The following CRACR2A variants were observed in gnomAD, a reference collection of about 807,000 sequenced individuals.
CRACR2A encodes the protein EF-hand calcium-binding domain-containing protein 4B.
In CRACR2A, 79 loss-of-function variants were observed where a neutral mutation model predicts 90.5. The observed-to-expected ratio is 0.87, with a 90% confidence interval of 0.73 to 1.05. The LOEUF (loss-of-function observed/expected upper bound fraction) is 1.05, where lower values mean the gene tolerates loss of function less well. Among genes scored for constraint, CRACR2A ranks in the 50% least tolerant of loss-of-function variants. The pLI is 0.00. For synonymous variants in CRACR2A, 338 were observed against 356.7 expected (o/e 0.95, Z 0.59); for missense variants, 823 against 897.2 (o/e 0.92, Z 1.06).
intron 4 of CRACR2A, among the ~76,000 whole-genome samples, chr12:3,692,879 A>G (rs1468313282): frequency 1.3e-5 from 2 of 152,130 alleles, no homozygotes; most frequent in African/African-American, 4.8e-5. Flanking sequence ...CACCACAGTC[A>G]TGGGTGATCA....
intron 4 of CRACR2A, among the ~76,000 whole-genome samples, chr12:3,690,085 T>C (rs1293043508): frequency 6.6e-6 from 1 of 151,180 alleles, no homozygotes; most frequent in African/African-American, 2.4e-5. Flanking sequence ...TTTTATTAAC[T>C]TTTTTTTTCA....
chr12:3,737,532 T>C (rs1049898941), intron 1 of CRACR2A, among the ~76,000 whole-genome samples: 9 of 152,088 alleles, frequency 5.9e-5, no homozygotes, highest in Non-Finnish European at 1.2e-4. Context: ...AGGAGGGATA[T>C]GGAGTGGATA....
chr12:3,719,480 C>G (rs1190316669), intron 2 of CRACR2A, among the ~76,000 whole-genome samples: 1 of 152,194 alleles, frequency 6.6e-6, no homozygotes, highest in Non-Finnish European at 1.5e-5. Context: ...CCCCTCCTTT[C>G]ATGCTCCAAA....
At chr12:3,656,511 AT>A in intron 8 of CRACR2A, 105 bp from the exon 9 acceptor site, 1 of 966,576 alleles carries the variant, frequency 1.0e-6, no homozygotes, top group Non-Finnish European at 1.6e-6. Flanking sequence ...GGCCCATCCT[AT>A]TAGACCATGG....
Position 3,673,496 on chromosome 12 carries a change from C to A in CRACR2A, c.621G>T (p.Gln207His), listed in dbSNP as rs1264145134. 1 of 1,614,066 alleles carries A rather than the reference C, an allele frequency of 6.2e-7. No individual in the cohort carries two copies. The highest frequency in any genetic ancestry group is 8.5e-7 in the Non-Finnish European group (1 of 1,180,042). ...FEDFLTRIISQLQEAHEEKNE... is the reference protein window; with the variant it reads ...FEDFLTRIISHLQEAHEEKNE... ...TCTTCTCCTCATGGGCTTCTTGGAG[C>A]TGGGAGATGATTCTGGTCAGGAAGT... Residue 207 changes from glutamine (Q) to histidine (H), a missense_variant, in exon 7 of 20, where the codon CAG (glutamine) becomes CAT (histidine). Physicochemically the swap from Gln to His is conservative, Grantham distance 24. Transcript: ENST00000440314.
At chr12:3,636,598 C>T (rs1487303031) in intron 14 of CRACR2A, among the ~76,000 whole-genome samples, 3 of 152,256 alleles carry the variant, frequency 2.0e-5, no homozygotes, top group Non-Finnish European at 4.4e-5. Flanking sequence ...AAGCCTTTTT[C>T]TTCAACCCCA....
chr12:3,631,756 C>T (rs1591640483), intron 15 of CRACR2A, among the ~76,000 whole-genome samples: 1 of 152,302 alleles, frequency 6.6e-6, no homozygotes, highest in Non-Finnish European at 1.5e-5. Context: ...AAGGATGGGA[C>T]ACCTGAAGCA....
At chr12:3,676,151 G>A (rs1945332322) in intron 6 of CRACR2A, among the ~76,000 whole-genome samples, 1 of 152,044 alleles carries the variant, frequency 6.6e-6, no homozygotes, top group Admixed American at 6.5e-5. Flanking sequence ...AACTCAACAA[G>A]TATTTATTAT....
chr12:3,685,883 T>C (rs993549065), intron 4 of CRACR2A, among the ~76,000 whole-genome samples: 3 of 152,252 alleles, frequency 2.0e-5, no homozygotes, highest in Non-Finnish European at 4.4e-5. Flanking sequence ...CAATGGTAAA[T>C]TGTGTGTTAT....
chr12:3,741,465 C>G (rs1034733465), intron 1 of CRACR2A, among the ~76,000 whole-genome samples: 1 of 152,224 alleles, frequency 6.6e-6, no homozygotes, highest in Non-Finnish European at 1.5e-5. Context: ...CTTTGCTGCA[C>G]AAAAATAAGC....
At chr12:3,619,075 A>C (rs1202106173) in intron 18 of CRACR2A, among the ~76,000 whole-genome samples, 196 bp downstream of exon 18, 1 of 152,198 alleles carries the variant, frequency 6.6e-6, no homozygotes, top group Non-Finnish European at 1.5e-5. Context: ...TCCATCTTGC[A>C]ACCTGTGGCT....
At position 3,641,757 on chromosome 12, in the gene CRACR2A, C is replaced by A. The variant is rs1341798455; in HGVS notation, c.1246G>T (p.Val416Leu). The change falls in exon 13 of 20, where the codon GTG becomes TTG. Residue 416 changes from valine to leucine, a missense_variant. Physicochemically the swap from Val to Leu is conservative, Grantham distance 32 (BLOSUM62 1). Coordinates refer to ENST00000440314, the MANE Select transcript of CRACR2A (RefSeq NM_001144958.2). The part of the protein sequence containing the change: ...KRSGSVIGKY[V>L]DSRGILRSQS... ...CTCCTAAGAATCCCTCTGCTGTCCACATATTTGCCTATCACAGAGCCAGAT... is the reference window on the plus strand; with the variant it reads ...CTCCTAAGAATCCCTCTGCTGTCCAAATATTTGCCTATCACAGAGCCAGAT... 7.7e-6 allele frequency: 12 copies of A among 1,551,710 alleles called. No homozygotes were observed. Among genetic ancestry groups the A allele is most frequent in the Non-Finnish European group, 1.0e-5 (12 of 1,146,972 alleles).
intron 14 of CRACR2A, among the ~76,000 whole-genome samples, chr12:3,636,456 A>C (rs1218731111): frequency 6.6e-6 from 1 of 152,188 alleles, no homozygotes; most frequent in African/African-American, 2.4e-5. Flanking sequence ...ACTCCCCATC[A>C]CTGTGGGGCT....
intron 4 of CRACR2A, among the ~76,000 whole-genome samples, chr12:3,694,621 G>A (rs1945706888): frequency 6.6e-6 from 1 of 152,112 alleles, no homozygotes; most frequent in African/African-American, 2.4e-5. Context: ...CGGGGGGCAT[G>A]GGGACTTTCT....
At chr12:3,717,477 C>T (rs11062772) in intron 2 of CRACR2A, among the ~76,000 whole-genome samples, 3 of 152,118 alleles carry the variant, frequency 2.0e-5, no homozygotes, top group African/African-American at 7.2e-5. Flanking sequence ...AGGTTATGTT[C>T]TCAGCTGCCA....
chr12:3,727,899 T>C (rs1333574020), intron 2 of CRACR2A: 3 of 152,008 alleles, frequency 2.0e-5, no homozygotes, highest in Non-Finnish European at 2.9e-5. Context: ...TAAAATAAAA[T>C]AAGGAATACT....
At chr12:3,630,416 C>G (rs1479452713) in intron 15 of CRACR2A, among the ~76,000 whole-genome samples, 1 of 152,062 alleles carries the variant, frequency 6.6e-6, no homozygotes, top group East Asian at 1.9e-4. Context: ...GAGAAATACC[C>G]TAGGGGGCTG....
At chr12:3,686,196 T>C (rs1158517744) in intron 4 of CRACR2A, among the ~76,000 whole-genome samples, 1 of 152,256 alleles carries the variant, frequency 6.6e-6, no homozygotes, top group Admixed American at 6.5e-5. Flanking sequence ...GTTTTCTAGT[T>C]AACCTAAATC....
chr12:3,749,310 G>C (rs7315038), intron 1 of CRACR2A, among the ~76,000 whole-genome samples: 14 of 152,174 alleles, frequency 9.2e-5, no homozygotes, highest in African/African-American at 3.4e-4. Context: ...ACTCCCGGCA[G>C]TGCCCGAGGT....
Sources: allele counts gnomAD v4.1 joint callset (sites outside exome capture counted in the v4.1 genomes callset), GRCh38; gene constraint gnomAD v4.1.1; transcripts MANE v1.5; gene names NCBI Gene and HGNC (gene_info 2026-07-23, HGNC 2026-07-21).